The following EP300 variants were observed in gnomAD, a reference collection of about 807,000 sequenced individuals.
EP300 encodes the protein EP300 lysine acetyltransferase, also known as histone acetyltransferase p300.
In EP300, 31 loss-of-function variants were observed where a neutral mutation model predicts 264.0. The observed-to-expected ratio is 0.12, with a 90% CI of 0.09 to 0.16. EP300 has a LOEUF of 0.16. Among genes scored for constraint, EP300 ranks in the 10% least tolerant of loss-of-function variants. The pLI is 1.00. For missense variants in EP300, 2,766 were observed against 3,052.9 expected (o/e 0.91, Z 2.21); for synonymous variants, 1,340 against 1,045.4 (o/e 1.28, Z -5.44).
intron 1 of EP300, chr22:41,108,238 CTTTT>C (rs1445302651): frequency 7.6e-6 from 1 of 131,462 alleles, no homozygotes; most frequent in Non-Finnish European, 1.6e-5. Context: ...TTTTCTTTTT[CTTTT>C]TCTTTTTTTT....
At chr22:41,149,657 T>G (rs1403326498) in intron 13 of EP300, 104 bp from the exon 14 acceptor site, 4 of 1,214,124 alleles carry the variant, frequency 3.3e-6, no homozygotes, top group Non-Finnish European at 3.6e-6. Context: ...ATTGCTACTC[T>G]TTGTTTAATC....
At position 41,149,789 on chromosome 22, in the gene EP300, T is replaced by C; in HGVS notation, c.2408T>C (p.Val803Ala). 1.9e-6 allele frequency: 3 copies of C among 1,614,134 alleles called. No homozygotes were observed. The highest frequency in any genetic ancestry group is 2.5e-6 in the Non-Finnish European group (3 of 1,180,010). The change falls in exon 14 of 31, where the codon GTG becomes GCG. Residue 803 changes from valine to alanine, a missense_variant. Transcript: ENST00000263253. ...QAQMSSSSCPVNSPIMPPGSQ... is the reference protein window; with the variant it reads ...QAQMSSSSCPANSPIMPPGSQ... ...CAAATGTCTAGTTCTTCCTGCCCGG[T>C]GAACTCTCCTATAATGCCTCCAGGG...
chr22:41,103,489 CAG>C (rs986458198), intron 1 of EP300, among the ~76,000 whole-genome samples: 122 of 152,184 alleles, frequency 8.0e-4, no homozygotes, highest in African/African-American at 2.8e-3. Context: ...TATATAAAGG[CAG>C]GGGATGGGTT....
chr22:41,104,437 C>A (rs1021754613), intron 1 of EP300, among the ~76,000 whole-genome samples: 17 of 151,906 alleles, frequency 1.1e-4, no homozygotes, highest in African/African-American at 3.9e-4. Context: ...TTACAGGCGC[C>A]CGCCACCACA....
chr22:41,157,075 C>G, intron 17 of EP300, 94 bp from the exon 18 acceptor site: 1 of 1,521,510 alleles, frequency 6.6e-7, no homozygotes, highest in Non-Finnish European at 9.0e-7. Flanking sequence ...AACTAAAACA[C>G]TGCCTGGAAA....
At chr22:41,147,321 C>G (rs1046857395) in intron 11 of EP300, among the ~76,000 whole-genome samples, 11 of 145,270 alleles carry the variant, frequency 7.6e-5, no homozygotes, top group African/African-American at 2.5e-4. Context: ...AAAAAAAAAG[C>G]AGATTGTAAA....
chr22:41,124,972 C>G (rs561152373), intron 2 of EP300, among the ~76,000 whole-genome samples: 1 of 152,092 alleles, frequency 6.6e-6, no homozygotes, highest in Non-Finnish European at 1.5e-5. Flanking sequence ...GGGTCTCACT[C>G]TGTTGCCGAG....
chr22:41,118,696 C>G (rs2058834726), intron 2 of EP300, among the ~76,000 whole-genome samples: 1 of 152,132 alleles, frequency 6.6e-6, no homozygotes, highest in African/African-American at 2.4e-5. Flanking sequence ...TGGCTCATGC[C>G]TGTAATCCCA....
At position 41,150,379 on chromosome 22, in the gene EP300, C is replaced by T. The variant is rs117115744; in HGVS notation, c.2817+181C>T. 1.2e-3 allele frequency among the ~76,000 whole-genome samples: 180 copies of T among 152,226 alleles called. 2 individuals are homozygous for T. Among genetic ancestry groups the T allele is most frequent in the East Asian group, 6.4e-3 (33 of 5,184 alleles). On this transcript the variant is annotated intron_variant, in intron 14 of 30. Coordinates refer to ENST00000263253, the MANE Select transcript of EP300 (RefSeq NM_001429.4). ...TTTGCCTTCCTGTGATAGTACCTAT[C>T]GTAGCAGGAGCATAAAGATTTTATT...
At chr22:41,138,526 G>C (rs748446234) in intron 8 of EP300, among the ~76,000 whole-genome samples, 1 of 152,142 alleles carries the variant, frequency 6.6e-6, no homozygotes, top group African/African-American at 2.4e-5. Flanking sequence ...TCGTCCTCCA[G>C]ATGTGCACAT....
chr22:41,113,545 TTTATTA>T (rs1396910844), intron 1 of EP300, among the ~76,000 whole-genome samples: 1 of 152,166 alleles, frequency 6.6e-6, no homozygotes, highest in African/African-American at 2.4e-5. Flanking sequence ...TGTAACTTTA[TTTATTA>T]TTATTATTTT....
In EP300 at chr22:41,179,928, T is replaced by C; in HGVS notation, c.*972T>C. 4.9e-6 allele frequency: 1 copy of C among 204,996 alleles called. No homozygotes were observed. The highest frequency in any genetic ancestry group is 9.7e-6 in the Non-Finnish European group (1 of 103,292). The allele number at this position is 204,996 out of a possible 1,614,324, so 12.7% of individuals were successfully genotyped here. On this transcript the variant is annotated 3_prime_UTR_variant, in exon 31 of 31. Coordinates refer to ENST00000263253, the MANE Select transcript of EP300 (RefSeq NM_001429.4). ...CACACACACACACACACACACTTTC[T>C]ATAAAACTTGAAAATAGCAAAAACC... is the stretch of plus-strand genomic sequence containing the variant.
chr22:41,172,687 A>C (rs2059177560), intron 28 of EP300, 24 bp downstream of exon 28: 1 of 1,605,968 alleles, frequency 6.2e-7, no homozygotes, highest in African/African-American at 1.3e-5. Context: ...GTTTCCTTTG[A>C]AACTTCTATC....
chr22:41,114,834 A>AG (rs1313145571), intron 1 of EP300, among the ~76,000 whole-genome samples: 3 of 151,758 alleles, frequency 2.0e-5, no homozygotes, highest in Non-Finnish European at 4.4e-5. Flanking sequence ...GAAAAAAAAA[A>AG]ACTACAAGAA....
intron 2 of EP300, among the ~76,000 whole-genome samples, chr22:41,120,423 A>G (rs2058845744): frequency 6.6e-6 from 1 of 152,224 alleles, no homozygotes; most frequent in African/African-American, 2.4e-5. Flanking sequence ...TATACTCATT[A>G]CATTTCTTAA....
chr22:41,162,181 G>A (rs917319314), intron 20 of EP300, among the ~76,000 whole-genome samples: 20 of 152,172 alleles, frequency 1.3e-4, no homozygotes, highest in Non-Finnish European at 2.5e-4. Context: ...GGCCATTCAG[G>A]AAAATGCTAT....
Position 41,176,918 on chromosome 22 carries a change from A to G in EP300, c.5207A>G (p.Gln1736Arg). 6.2e-7 allele frequency: 1 copy of G among 1,614,180 alleles called. No homozygotes were observed. Among genetic ancestry groups the G allele is most frequent in the Non-Finnish European group, 8.5e-7 (1 of 1,180,032 alleles). ...SPGDSRRLSI[Q>R]RCIQSLVHAC... ...GGCGATTCTCGCCGCCTGAGTATCC[A>G]GCGCTGCATCCAGTCTCTGGTCCAT... The change falls in exon 31 of 31, where the codon CAG becomes CGG. Residue 1736 changes from glutamine (Q) to arginine (R), a missense_variant. Gln to Arg is a conservative substitution (Grantham distance 43). Coordinates refer to ENST00000263253, the MANE Select transcript of EP300 (RefSeq NM_001429.4).
chr22:41,103,714 A>G (rs2058743755), intron 1 of EP300, among the ~76,000 whole-genome samples: 1 of 152,126 alleles, frequency 6.6e-6, no homozygotes, highest in South Asian at 2.1e-4. Flanking sequence ...TTGGGGTTCT[A>G]TTGTGGAAAG....
At chr22:41,153,019 G>A (rs1026206363) in intron 16 of EP300, among the ~76,000 whole-genome samples, 1 of 152,164 alleles carries the variant, frequency 6.6e-6, no homozygotes, top group Non-Finnish European at 1.5e-5. Flanking sequence ...AGCTCCCAAA[G>A]TGCTGGGATT....
Sources: gnomAD v4.1 joint callset for allele counts (sites outside exome capture counted in the v4.1 genomes callset) on GRCh38, gnomAD v4.1.1 for gene constraint, MANE v1.5 for transcripts, NCBI Gene and HGNC (gene_info 2026-07-23, HGNC 2026-07-21) for gene names.